The following SLC11A2 variants were observed in gnomAD, a reference collection of about 807,000 sequenced individuals.
SLC11A2 encodes the protein natural resistance-associated macrophage protein 2.
In SLC11A2, 38 loss-of-function variants were observed where a neutral mutation model predicts 68.0. The ratio of observed to expected loss-of-function variants is 0.56; its 90% CI spans 0.43 to 0.73. The LOEUF (loss-of-function observed/expected upper bound fraction) is 0.73, where lower values mean the gene tolerates loss of function less well. Among genes scored for constraint, SLC11A2 ranks in the 30% least tolerant of loss-of-function variants. The pLI is 0.00. For synonymous variants in SLC11A2, 242 were observed against 250.6 expected (o/e 0.97, Z 0.32); for missense variants, 517 against 690.5 (o/e 0.75, Z 2.82).
At chr12:51,019,919 A>G (rs1943923191) in intron 1 of SLC11A2, among the ~76,000 whole-genome samples, 1 of 152,112 alleles carries the variant, frequency 6.6e-6, no homozygotes, top group African/African-American at 2.4e-5. Context: ...TGCTGGGATT[A>G]CAGGTATGAG....
chr12:50,970,144 A>G, the SLC11A2 span, among the ~76,000 whole-genome samples: 1 of 152,160 alleles, frequency 6.6e-6, no homozygotes, highest in African/African-American at 2.4e-5. Context: ...GATGACTACT[A>G]TTTTTATCTT....
At chr12:51,022,731 G>C (rs1212274850) in intron 1 of SLC11A2, among the ~76,000 whole-genome samples, 1 of 152,102 alleles carries the variant, frequency 6.6e-6, no homozygotes, top group African/African-American at 2.4e-5. Context: ...GCCTCTTTCT[G>C]CTCTTTGAAA....
At chr12:50,984,265 A>C (rs1207396246), downstream of SLC11A2, among the ~76,000 whole-genome samples, 1 of 152,228 alleles carries the variant, frequency 6.6e-6, no homozygotes, top group Non-Finnish European at 1.5e-5. Context: ...AAGACAGATT[A>C]GACCAAATGA....
At chr12:50,978,085 G>A (rs1387327454), downstream of SLC11A2, among the ~76,000 whole-genome samples, 4 of 152,240 alleles carry the variant, frequency 2.6e-5, no homozygotes, top group Non-Finnish European at 5.9e-5. Context: ...ACAGTGTGGC[G>A]ATTCCTCAGG....
rs776263384 is a variant in SLC11A2 at position 51,010,694 on chromosome 12, C to T, written c.34+1G>A. 7.2e-6 allele frequency: 11 copies of T among 1,534,632 alleles called. No individual in the cohort carries two copies. The highest frequency in any genetic ancestry group is 1.4e-5 in the African/African-American group (1 of 73,730). ...GACAATAACACAAAGCGGTAAATTA[C>T]CATCTGACATCTTCTGTTCAGGACC... On this transcript the variant is annotated splice_donor_variant, in intron 2 of 15. Coordinates refer to ENST00000262052, the MANE Select transcript of SLC11A2 (RefSeq NM_000617.3). LOFTEE classifies it high-confidence loss of function.
chr12:51,002,611 C>G (rs1316730479), intron 5 of SLC11A2, among the ~76,000 whole-genome samples: 1 of 109,038 alleles, frequency 9.2e-6, no homozygotes, highest in African/African-American at 3.4e-5. Context: ...TGTACCCGAG[C>G]CTGGGTGACA....
intron 1 of SLC11A2, chr12:51,024,638 C>G (rs1334398460): frequency 6.6e-6 from 1 of 152,212 alleles, no homozygotes; most frequent in Non-Finnish European, 1.5e-5. Flanking sequence ...GCAACAAGAG[C>G]GAAACTCCGT....
intron 15 of SLC11A2, among the ~76,000 whole-genome samples, chr12:50,989,935 C>T (rs2136175742): frequency 6.6e-6 from 1 of 152,192 alleles, no homozygotes; most frequent in African/African-American, 2.4e-5. Flanking sequence ...TCAAAGAAAC[C>T]TGTATAGAAC....
intron 3 of SLC11A2, among the ~76,000 whole-genome samples, chr12:51,007,328 G>T (rs534157827): frequency 6.6e-6 from 1 of 152,064 alleles, no homozygotes; most frequent in African/African-American, 2.4e-5. Context: ...TACAGAGTTT[G>T]ACTCTTGTTT....
At chr12:50,954,022 A>G in the SLC11A2 span, 1 of 1,612,620 alleles carries the variant, frequency 6.2e-7, no homozygotes, top group Non-Finnish European at 8.5e-7. Flanking sequence ...ACCAGTGGTC[A>G]GCAGATGAGG....
chr12:50,979,153 A>G (rs1474637522), downstream of SLC11A2, among the ~76,000 whole-genome samples: 1 of 152,200 alleles, frequency 6.6e-6, no homozygotes, highest in Non-Finnish European at 1.5e-5. Flanking sequence ...TATATACCAC[A>G]AATTGGAGAG....
At chr12:50,985,587 G>T (rs10506297), downstream of SLC11A2, among the ~76,000 whole-genome samples, 2,706 of 152,230 alleles carry the variant, frequency 0.018, 126 homozygotes, top group Admixed American at 0.11. Flanking sequence ...AGCTAAATGA[G>T]TTTGGTTTCT....
rs56406210 is a variant in SLC11A2, at chr12:50,988,858, G to A, written c.1576-423C>T. Among the ~76,000 whole-genome samples, 981 of 151,944 alleles carry A rather than the reference G, an allele frequency of 6.5e-3. 12 individuals are homozygous for A. Among genetic ancestry groups the A allele is most frequent in the African/African-American group, 0.022 (930 of 41,434 alleles). On this transcript the variant is annotated intron_variant, in intron 15 of 15. Transcript: ENST00000262052. ...CTCCTGAGTTGCCAGGATTACAGAC[G>A]CACACCACCATGCCCAGCTAATTTA...
chr12:50,967,599 T>G, the SLC11A2 span, among the ~76,000 whole-genome samples: 1 of 152,148 alleles, frequency 6.6e-6, no homozygotes, highest in Non-Finnish European at 1.5e-5. Flanking sequence ...TTTAAGAAAC[T>G]ATTTTGCTAC....
intron 1 of SLC11A2, among the ~76,000 whole-genome samples, chr12:51,015,114 T>C (rs1338607072): frequency 6.7e-6 from 1 of 149,896 alleles, no homozygotes; most frequent in Non-Finnish European, 1.5e-5. Context: ...GAGCCAATAT[T>C]GCACCACTGC....
chr12:51,021,758 A>G (rs1566043046), intron 1 of SLC11A2, among the ~76,000 whole-genome samples: 1 of 152,214 alleles, frequency 6.6e-6, no homozygotes, highest in Non-Finnish European at 1.5e-5. Context: ...TAAAGAAAAA[A>G]GAAAAAGAGA....
At chr12:51,028,221 C>T, upstream of SLC11A2, 1 of 1,535,416 alleles carries the variant, frequency 6.5e-7, no homozygotes, top group Non-Finnish European at 8.7e-7. Flanking sequence ...CTGCTTCTTC[C>T]TCATGGTGCA....
At position 50,995,877 on chromosome 12, in the gene SLC11A2, T is replaced by C. The variant is rs1489550865; in HGVS notation, c.832-90A>G. 5.7e-5 allele frequency: 73 copies of C among 1,282,026 alleles called. 2 individuals are homozygous for C. Among genetic ancestry groups the C allele is most frequent in the South Asian group, 3.6e-5 (3 of 83,438 alleles). The allele number at this position is 1,282,026 out of a possible 1,614,324, so 79.4% of individuals were successfully genotyped here. ...GGAGTTTGGAGTCAGCTGAGAGATTTAGGGGACAAAAGTTGACCAGACGAA... is the reference window on the plus strand; with the variant it reads ...GGAGTTTGGAGTCAGCTGAGAGATTCAGGGGACAAAAGTTGACCAGACGAA... On this transcript the variant is annotated intron_variant, in intron 9 of 15. Transcript: ENST00000262052.
chr12:51,005,658 G>C, intron 3 of SLC11A2: 1 of 1,370,900 alleles, frequency 7.3e-7, no homozygotes, highest in Non-Finnish European at 9.6e-7. Flanking sequence ...CTTACCTGCA[G>C]GTTCCATCAG....
Sources: allele counts gnomAD v4.1 joint callset (sites outside exome capture counted in the v4.1 genomes callset), GRCh38; gene constraint gnomAD v4.1.1; transcripts MANE v1.5; gene names NCBI Gene and HGNC (gene_info 2026-07-23, HGNC 2026-07-21).